Variants in ATP8A2 observed in about 807,000 individuals in gnomAD.
ATP8A2 encodes the protein phospholipid-transporting ATPase IB.
Under a neutral mutation model 165.6 loss-of-function variants are expected in ATP8A2, and 100 were observed. That is an observed-to-expected ratio of 0.60 (90% CI 0.51 to 0.71). The LOEUF is 0.71. Among genes scored for constraint, ATP8A2 ranks in the 30% least tolerant of loss-of-function variants. ATP8A2 has a pLI of 0.00. For missense variants in ATP8A2, 1,227 were observed against 1,479.5 expected (o/e 0.83, Z 2.80); for synonymous variants, 543 against 548.8 (o/e 0.99, Z 0.15).
chr13:25,883,409 A>C (rs569291320), intron 33 of ATP8A2, among the ~76,000 whole-genome samples: 1 of 152,112 alleles, frequency 6.6e-6, no homozygotes, highest in African/African-American at 2.4e-5. Context: ...CAAGAGTGAA[A>C]CTCCATCTCA....
intron 33 of ATP8A2, among the ~76,000 whole-genome samples, chr13:25,880,754 C>T (rs1952957850): frequency 6.6e-6 from 1 of 152,148 alleles, no homozygotes; most frequent in Non-Finnish European, 1.5e-5. Flanking sequence ...CTTCATGCCC[C>T]CAAAGCTATT....
At chr13:25,860,915 G>C in intron 32 of ATP8A2, 55 bp downstream of exon 32, 6 of 1,249,950 alleles carry the variant, frequency 4.8e-6, no homozygotes, top group Non-Finnish European at 6.9e-6. Flanking sequence ...TTCATGCTAG[G>C]ATTTCTTTTT....
intron 24 of ATP8A2, among the ~76,000 whole-genome samples, chr13:25,643,381 T>G (rs2041586649): frequency 6.6e-6 from 1 of 152,166 alleles, no homozygotes. Flanking sequence ...AGTTTTTTGT[T>G]GTTATGACAG....
chr13:25,390,329 G>T (rs749631112), intron 1 of ATP8A2, among the ~76,000 whole-genome samples: 8 of 152,160 alleles, frequency 5.3e-5, no homozygotes, highest in Non-Finnish European at 1.0e-4. Flanking sequence ...AGGTTATTAA[G>T]ATATAATTTA....
intron 26 of ATP8A2, 118 bp from the exon 27 acceptor site, chr13:25,774,731 T>C (rs2044702503): frequency 3.4e-6 from 2 of 588,264 alleles, no homozygotes; most frequent in Non-Finnish European, 3.0e-6. Flanking sequence ...CTGAGATTCC[T>C]GCGGAATCTG....
chr13:25,642,193 A>G (rs1357127670), intron 24 of ATP8A2, among the ~76,000 whole-genome samples: 1 of 152,224 alleles, frequency 6.6e-6, no homozygotes, highest in African/African-American at 2.4e-5. Context: ...AGGCATGGGC[A>G]AGGACTTCAT....
At chr13:25,842,349 G>A (rs1201422436) in intron 30 of ATP8A2, among the ~76,000 whole-genome samples, 1 of 152,146 alleles carries the variant, frequency 6.6e-6, no homozygotes, top group Non-Finnish European at 1.5e-5. Context: ...GATAAAAGCT[G>A]AATTACAGAG....
At chr13:25,988,460 GA>G (rs1956313476) in intron 35 of ATP8A2, among the ~76,000 whole-genome samples, 1 of 152,238 alleles carries the variant, frequency 6.6e-6, no homozygotes, top group South Asian at 2.1e-4. Flanking sequence ...GCATGCACTG[GA>G]AAAGGGAGGG....
chr13:25,905,413 A>G (rs1156506079), intron 33 of ATP8A2, among the ~76,000 whole-genome samples: 2 of 147,692 alleles, frequency 1.4e-5, no homozygotes, highest in Admixed American at 6.7e-5. Context: ...TTATTTTTAT[A>G]TGCTCTCTCT....
chr13:26,020,555 A>G lies in ATP8A2; in HGVS notation c.*570A>G, dbSNP rs1957067116. On this transcript the variant is annotated 3_prime_UTR_variant, in exon 37 of 37. Coordinates refer to ENST00000381655, the MANE Select transcript of ATP8A2 (RefSeq NM_016529.6). ...CTATCGGGGTGGTCAACCTGAGAAC[A>G]TTTATTTGAACCTCTTAGCCACATT... 6.5e-6 allele frequency: 1 copy of G among 152,886 alleles called. No individual in the cohort carries two copies. The highest frequency in any genetic ancestry group is 1.5e-5 in the Non-Finnish European group (1 of 68,606). The allele number at this position is 152,886 out of a possible 1,614,324, so 9.5% of individuals were successfully genotyped here. A position where few individuals can be genotyped will look rare whatever the true frequency, so the allele number is the denominator to read the frequency against.
chr13:25,514,807 G>C (rs1353558972), intron 2 of ATP8A2, among the ~76,000 whole-genome samples: 7 of 152,094 alleles, frequency 4.6e-5, no homozygotes, highest in Non-Finnish European at 1.0e-4. Context: ...CCTGAGCTCT[G>C]CAGGCTGAAA....
chr13:25,393,066 C>T (rs771925956), intron 1 of ATP8A2, among the ~76,000 whole-genome samples: 5 of 151,876 alleles, frequency 3.3e-5, no homozygotes, highest in Non-Finnish European at 7.4e-5. Flanking sequence ...GCCATATTGA[C>T]ACTTTATCTG....
chr13:25,491,906 A>G (rs2036538467), intron 2 of ATP8A2, among the ~76,000 whole-genome samples: 1 of 152,264 alleles, frequency 6.6e-6, no homozygotes, highest in Admixed American at 6.5e-5. Flanking sequence ...AATTAATGAC[A>G]TAAATATTGT....
At chr13:25,591,133 A>ATGTG (rs59431385) in intron 24 of ATP8A2, 99,426 of 296,196 alleles carry the variant, frequency 0.34, 14,225 homozygotes, top group Non-Finnish European at 0.4. Flanking sequence ...TGGAAATACT[A>ATGTG]TGTGTGTGTG....
At chr13:25,866,998 A>T (rs557662172) in intron 33 of ATP8A2, among the ~76,000 whole-genome samples, 1 of 152,256 alleles carries the variant, frequency 6.6e-6, no homozygotes, top group African/African-American at 2.4e-5. Flanking sequence ...CTCCTCACTA[A>T]CTTTTGCTGC....
chr13:25,492,794 A>C (rs982009613), intron 2 of ATP8A2, among the ~76,000 whole-genome samples: 3 of 152,218 alleles, frequency 2.0e-5, no homozygotes, highest in Non-Finnish European at 4.4e-5. Context: ...GCTTGTTATT[A>C]CAGTGACCGC....
At chr13:25,742,681 C>CTTTT (rs11395602) in intron 25 of ATP8A2, among the ~76,000 whole-genome samples, 1 of 130,706 alleles carries the variant, frequency 7.7e-6, no homozygotes, top group Non-Finnish European at 1.6e-5. Context: ...CTCTCTCTGT[C>CTTTT]TTTTTTTTTT....
intron 1 of ATP8A2, among the ~76,000 whole-genome samples, chr13:25,423,316 A>G (rs1259647542): frequency 6.6e-6 from 1 of 152,214 alleles, no homozygotes; most frequent in African/African-American, 2.4e-5. Flanking sequence ...TGTCTACCCT[A>G]TCTTAAAGCA....
chr13:25,487,666 A>C (rs932910836), intron 2 of ATP8A2, among the ~76,000 whole-genome samples: 1 of 152,210 alleles, frequency 6.6e-6, no homozygotes, highest in Non-Finnish European at 1.5e-5. Context: ...GTAGAGATTA[A>C]AAGGTAAGGT....
Sources: allele counts gnomAD v4.1 joint callset (sites outside exome capture counted in the v4.1 genomes callset), GRCh38; gene constraint gnomAD v4.1.1; transcripts MANE v1.5; gene names NCBI Gene and HGNC (gene_info 2026-07-23, HGNC 2026-07-21).